TMEM132D: variants seen among roughly 807,000 people sequenced by gnomAD.
The protein encoded by TMEM132D is transmembrane protein 132D.
In TMEM132D, 21 loss-of-function variants were observed where a neutral mutation model predicts 62.3. That is an observed-to-expected ratio of 0.34 (90% confidence interval 0.24 to 0.49). The LOEUF (loss-of-function observed/expected upper bound fraction) is 0.49. Among genes scored for constraint, TMEM132D ranks in the 20% least tolerant of loss-of-function variants. TMEM132D has a pLI of 0.99. For missense variants in TMEM132D, 1,346 were observed against 1,402.8 expected (o/e 0.96, Z 0.65); for synonymous variants, 621 against 575.6 (o/e 1.08, Z -1.13).
At chr12:129,682,042 G>A (rs1565947348) in intron 2 of TMEM132D, among the ~76,000 whole-genome samples, 1 of 152,198 alleles carries the variant, frequency 6.6e-6, no homozygotes, top group African/African-American at 2.4e-5. Flanking sequence ...GTTTCCCTGA[G>A]TTATCAAAGA....
At chr12:129,724,959 A>T (rs562317061) in intron 1 of TMEM132D, among the ~76,000 whole-genome samples, 4 of 152,326 alleles carry the variant, frequency 2.6e-5, no homozygotes, top group African/African-American at 9.6e-5. Flanking sequence ...CTCACTTCTA[A>T]TCAATGAGCT....
At chr12:129,641,015 C>T (rs766506833) in intron 2 of TMEM132D, among the ~76,000 whole-genome samples, 3 of 152,126 alleles carry the variant, frequency 2.0e-5, no homozygotes, top group African/African-American at 7.2e-5. Context: ...AAGCTCAGGG[C>T]TCCCACTGAT....
chr12:129,723,368 C>T (rs1429616923), intron 1 of TMEM132D, among the ~76,000 whole-genome samples: 3 of 152,320 alleles, frequency 2.0e-5, no homozygotes, highest in East Asian at 3.9e-4. Flanking sequence ...CATGCAGTCG[C>T]TCTCTCTGCC....
intron 3 of TMEM132D, among the ~76,000 whole-genome samples, chr12:129,444,558 T>C (rs1254733495): frequency 6.6e-6 from 1 of 152,150 alleles, no homozygotes; most frequent in Non-Finnish European, 1.5e-5. Flanking sequence ...GTCAGCCCAT[T>C]GCCTAGATAT....
intron 4 of TMEM132D, among the ~76,000 whole-genome samples, chr12:129,326,609 C>T (rs564493316): frequency 9.2e-5 from 14 of 152,202 alleles, no homozygotes; most frequent in Non-Finnish European, 1.3e-4. Context: ...AGGGTGGAAT[C>T]GTTGCACAGA....
intron 2 of TMEM132D, among the ~76,000 whole-genome samples, chr12:129,621,238 G>T (rs1017433974): frequency 3.3e-5 from 5 of 152,090 alleles, no homozygotes; most frequent in African/African-American, 1.2e-4. Context: ...TCTGCATAGT[G>T]TGCCCTTCCT....
chr12:129,313,790 T>C (rs117128933), intron 4 of TMEM132D, among the ~76,000 whole-genome samples: 4,990 of 152,284 alleles, frequency 0.033, 119 homozygotes, highest in Middle Eastern at 0.058. Context: ...CTCCACACTG[T>C]GTTCCATTGT....
In TMEM132D at chr12:129,073,723, C is replaced by G; in HGVS notation, c.*152G>C. The G allele has an allele frequency of 3.0e-6, 2 of 665,384 alleles. No homozygotes were observed. The allele number at this position is 665,384 out of a possible 1,614,324, so 41.2% of individuals were successfully genotyped here. A position where few individuals can be genotyped will look rare whatever the true frequency, so the allele number is the denominator to read the frequency against. ...CGTCGATGCGGACTCCAGGCCTCGC[C>G]GCCGAGCCGGGGTCATTGGCTGAGG... On this transcript the variant is annotated 3_prime_UTR_variant, in exon 9 of 9. Coordinates refer to ENST00000422113, the MANE Select transcript of TMEM132D (RefSeq NM_133448.3).
At chr12:129,123,220 G>T (rs772136623) in intron 5 of TMEM132D, among the ~76,000 whole-genome samples, 7 of 152,090 alleles carry the variant, frequency 4.6e-5, no homozygotes, top group Admixed American at 1.3e-4. Flanking sequence ...TTAGAAAAAG[G>T]TATTACATAG....
chr12:129,625,019 C>T (rs265625), intron 2 of TMEM132D, among the ~76,000 whole-genome samples: 87,497 of 151,950 alleles, frequency 0.58, 25,309 homozygotes, highest in East Asian at 0.66. Flanking sequence ...TTATTGCTGG[C>T]TTGACAGATG....
At chr12:129,270,416 T>C (rs1880823167) in intron 4 of TMEM132D, among the ~76,000 whole-genome samples, 1 of 152,212 alleles carries the variant, frequency 6.6e-6, no homozygotes, top group South Asian at 2.1e-4. Context: ...ACAATTTATT[T>C]GGGAGATGAC....
intron 4 of TMEM132D, among the ~76,000 whole-genome samples, chr12:129,334,271 T>G (rs1363587324): frequency 1.3e-5 from 2 of 149,562 alleles, no homozygotes; most frequent in Non-Finnish European, 2.9e-5. Context: ...TTCCTGCAAC[T>G]CCATCAACAC....
chr12:129,166,088 C>G (rs1017896375), intron 5 of TMEM132D, among the ~76,000 whole-genome samples: 1 of 152,206 alleles, frequency 6.6e-6, no homozygotes, highest in Non-Finnish European at 1.5e-5. Context: ...AGTTACAGAG[C>G]AAACCATTAT....
intron 4 of TMEM132D, among the ~76,000 whole-genome samples, chr12:129,246,765 C>CA (rs60215528): frequency 4.8e-4 from 72 of 148,550 alleles, no homozygotes; most frequent in Non-Finnish European, 6.1e-4. Flanking sequence ...GACTCTATCT[C>CA]AAAAAAAAAA....
intron 3 of TMEM132D, among the ~76,000 whole-genome samples, chr12:129,435,717 G>T (rs973481236): frequency 6.6e-6 from 1 of 152,058 alleles, no homozygotes; most frequent in African/African-American, 2.4e-5. Flanking sequence ...TTCATTTTAT[G>T]GTTAAGTCAT....
chr12:129,272,208 C>A (rs1163342318), intron 4 of TMEM132D, among the ~76,000 whole-genome samples: 1 of 151,834 alleles, frequency 6.6e-6, no homozygotes, highest in African/African-American at 2.4e-5. Flanking sequence ...GGACCGCATG[C>A]CCTGGGCACT....
chr12:129,892,292 T>C (rs918820202), intron 1 of TMEM132D, among the ~76,000 whole-genome samples: 2 of 152,234 alleles, frequency 1.3e-5, no homozygotes, highest in African/African-American at 4.8e-5. Context: ...CAACGTGTCC[T>C]AGAAGAGGAA....
At chr12:129,116,494 T>C (rs1875892702) in intron 5 of TMEM132D, among the ~76,000 whole-genome samples, 2 of 147,972 alleles carry the variant, frequency 1.4e-5, no homozygotes, top group African/African-American at 2.5e-5. Flanking sequence ...CAAACACATA[T>C]CTGATTAAAA....
In TMEM132D at chr12:129,082,010, C is replaced by T. The variant is rs1442103827; in HGVS notation, c.1672G>A (p.Glu558Lys). ...SRRPAGDSEE[E>K]EDDERRGRGC... ...CGGCCCCTCCGCTCATCATCCTCCT[C>T]CTCTTCACTGTCCCCGGCAGGCCTG... The change falls in exon 7 of 9, where the codon GAG becomes AAG. Residue 558 changes from glutamate to lysine, a missense_variant. By Grantham distance (56) the Glu-to-Lys change is moderately conservative (BLOSUM62 1). Coordinates refer to ENST00000422113, the MANE Select transcript of TMEM132D (RefSeq NM_133448.3). 1.9e-6 allele frequency: 3 copies of T among 1,609,964 alleles called. No individual in the cohort carries two copies. The highest frequency in any genetic ancestry group is 2.2e-5 in the South Asian group (2 of 90,800).
Sources: gnomAD v4.1 joint callset for allele counts (sites outside exome capture counted in the v4.1 genomes callset) on GRCh38, gnomAD v4.1.1 for gene constraint, MANE v1.5 for transcripts, NCBI Gene and HGNC (gene_info 2026-07-23, HGNC 2026-07-21) for gene names.